ADAMTSL1: variants seen among roughly 807,000 people sequenced by gnomAD.
ADAMTSL1 encodes the protein ADAMTS like 1.
Under a neutral mutation model 201.8 loss-of-function variants are expected in ADAMTSL1, and 126 were observed. The ratio of observed to expected loss-of-function variants is 0.62; its 90% confidence interval spans 0.54 to 0.72. ADAMTSL1 has a LOEUF of 0.72. ADAMTSL1 is among the 30% of genes least tolerant of loss of function. The pLI is 0.00. For missense variants in ADAMTSL1, 2,679 were observed against 2,277.8 expected (o/e 1.18, Z -3.59); for synonymous variants, 1,121 against 903.4 (o/e 1.24, Z -4.32).
At chr9:18,599,018 A>G (rs1587676318) in intron 4 of ADAMTSL1, among the ~76,000 whole-genome samples, 4 of 151,960 alleles carry the variant, frequency 2.6e-5, no homozygotes, top group African/African-American at 9.7e-5. Context: ...GTGGGGGAGG[A>G]TTTCTGTCTC....
rs143623514 is a variant in ADAMTSL1 at position 18,279,965 on chromosome 9, A to G, written c.207+115984A>G. Among the ~76,000 whole-genome samples the G allele has an allele frequency of 3.5e-4, 53 of 152,056 alleles. No homozygotes were observed. The East Asian group carries it at 1.0e-2, about 29-fold the overall frequency. On this transcript the variant is annotated intron_variant, in intron 2 of 29. Transcript: ENST00000680146. ...CAATCCACGTGCTTGCCTAGAGCCTATGCCTTTTGGGGCAATCTGGAACCT... is the reference window on the plus strand; with the variant it reads ...CAATCCACGTGCTTGCCTAGAGCCTGTGCCTTTTGGGGCAATCTGGAACCT...
At chr9:18,532,377 C>T (rs886625947) in intron 2 of ADAMTSL1, among the ~76,000 whole-genome samples, 2 of 152,074 alleles carry the variant, frequency 1.3e-5, no homozygotes, top group Non-Finnish European at 2.9e-5. Flanking sequence ...ATTCAAAAAA[C>T]ACAGTCAGAA....
At chr9:18,495,900 A>C (rs11789771) in intron 1 of ADAMTSL1, among the ~76,000 whole-genome samples, 11,972 of 152,270 alleles carry the variant, frequency 0.079, 646 homozygotes, top group Non-Finnish European at 0.12. Context: ...TCTATGCCCT[A>C]TGTACCTTTT....
At chr9:18,644,763 A>G (rs1472170277) in intron 7 of ADAMTSL1, among the ~76,000 whole-genome samples, 2 of 152,050 alleles carry the variant, frequency 1.3e-5, no homozygotes, top group Non-Finnish European at 2.9e-5. Context: ...TATATGTGCC[A>G]CATTTTCTTA....
chr9:18,506,468 T>A (rs541480921), intron 2 of ADAMTSL1, among the ~76,000 whole-genome samples: 1 of 152,328 alleles, frequency 6.6e-6, no homozygotes, highest in Non-Finnish European at 1.5e-5. Context: ...GTCTCAGTGA[T>A]GTGTATGTCA....
intron 13 of ADAMTSL1, among the ~76,000 whole-genome samples, chr9:18,701,212 C>CTTTTTTT (rs35537367): frequency 1.1e-5 from 1 of 87,692 alleles, no homozygotes; most frequent in Non-Finnish European, 2.3e-5. Context: ...CTTTTGGGTT[C>CTTTTTTT]TTTTTTTTTT....
At chr9:18,148,981 T>C (rs1448161375) in intron 1 of ADAMTSL1, among the ~76,000 whole-genome samples, 4 of 152,232 alleles carry the variant, frequency 2.6e-5, no homozygotes, top group East Asian at 3.9e-4. Flanking sequence ...TAGACTTATC[T>C]CACTAAAATT....
At chr9:17,919,775 A>G (rs1826235300) in intron 1 of ADAMTSL1, among the ~76,000 whole-genome samples, 1 of 152,116 alleles carries the variant, frequency 6.6e-6, no homozygotes, top group East Asian at 1.9e-4. Context: ...TAATGCTGCT[A>G]TAAACATTTA....
At chr9:18,031,163 C>T (rs1023434260) in intron 1 of ADAMTSL1, among the ~76,000 whole-genome samples, 8 of 152,210 alleles carry the variant, frequency 5.3e-5, no homozygotes, top group African/African-American at 1.9e-4. Flanking sequence ...ATGCTTCAGA[C>T]ATTTGAATCT....
chr9:18,261,275 A>G (rs1831912569), intron 2 of ADAMTSL1, among the ~76,000 whole-genome samples: 1 of 152,050 alleles, frequency 6.6e-6, no homozygotes, highest in South Asian at 2.1e-4. Context: ...TTTGTGCTTC[A>G]TTTTGCTTGA....
chr9:18,706,506 C>G, intron 13 of ADAMTSL1: 1 of 466,042 alleles, frequency 2.1e-6, no homozygotes, highest in Non-Finnish European at 3.8e-6. Context: ...AGCAGGTGGT[C>G]TCTGGAATGT....
At chr9:18,469,636 C>A (rs1821131121), upstream of ADAMTSL1, among the ~76,000 whole-genome samples, 2 of 152,202 alleles carry the variant, frequency 1.3e-5, no homozygotes, top group Admixed American at 1.3e-4. Flanking sequence ...CTGCAAGGGC[C>A]ATGCCCACCT....
intron 1 of ADAMTSL1, among the ~76,000 whole-genome samples, chr9:17,998,203 A>G (rs1354781914): frequency 6.6e-6 from 1 of 152,098 alleles, no homozygotes; most frequent in African/African-American, 2.4e-5. Flanking sequence ...ATATGTGCAC[A>G]CATACCTACG....
At position 18,417,638 on chromosome 9, in the gene ADAMTSL1, C is replaced by G. The variant is rs114986393; in HGVS notation, c.208-87191C>G. ...TCTAAATTCAACAATATAGATGGAC[C>G]AATTCCTAGCAAACCACAAACAACC... On this transcript the variant is annotated intron_variant, in intron 2 of 29. Coordinates refer to the ADAMTSL1 transcript ENST00000680146. 9.3e-3 allele frequency among the ~76,000 whole-genome samples: 1,416 copies of G among 152,020 alleles called. 29 individuals carry two copies. The highest frequency in any genetic ancestry group is 0.033 in the African/African-American group (1,379 of 41,500).
chr9:17,996,356 G>A (rs62551549), intron 1 of ADAMTSL1, among the ~76,000 whole-genome samples: 5,973 of 152,136 alleles, frequency 0.039, 141 homozygotes, highest in South Asian at 0.083. Flanking sequence ...GGATGTTAGA[G>A]AGAAGATGGG....
intron 22 of ADAMTSL1, 143 bp downstream of exon 22, chr9:18,826,606 C>G (rs1427087696): frequency 9.8e-7 from 1 of 1,018,212 alleles, no homozygotes; most frequent in Non-Finnish European, 1.4e-6. Flanking sequence ...CAATTTAGGG[C>G]CTTTCGATAG....
intron 23 of ADAMTSL1, among the ~76,000 whole-genome samples, chr9:18,884,241 C>T (rs945589610): frequency 6.6e-6 from 1 of 152,088 alleles, no homozygotes; most frequent in Admixed American, 6.5e-5. Flanking sequence ...AAGTCCTTTG[C>T]TTATTTGGGC....
At chr9:18,299,818 C>T (rs1833629570) in intron 2 of ADAMTSL1, among the ~76,000 whole-genome samples, 1 of 151,150 alleles carries the variant, frequency 6.6e-6, no homozygotes, top group Non-Finnish European at 1.5e-5. Context: ...ATATGAAAGA[C>T]ATCTACACTG....
intron 2 of ADAMTSL1, among the ~76,000 whole-genome samples, chr9:18,462,499 T>C (rs1046973540): frequency 6.6e-6 from 1 of 152,182 alleles, no homozygotes; most frequent in African/African-American, 2.4e-5. Context: ...TAAAATTTTT[T>C]ATATAACTAT....
Sources: allele counts gnomAD v4.1 joint callset (sites outside exome capture counted in the v4.1 genomes callset), GRCh38; gene constraint gnomAD v4.1.1; transcripts MANE v1.5; gene names NCBI Gene and HGNC (gene_info 2026-07-23, HGNC 2026-07-21).